SRMS: variants seen among roughly 807,000 people sequenced by gnomAD.
SRMS encodes the protein src-related kinase lacking C-terminal regulatory tyrosine and N-terminal myristylation sites, also known as tyrosine-protein kinase Srms.
Under a neutral mutation model 43.5 loss-of-function variants are expected in SRMS, and 42 were observed. That is an observed-to-expected ratio of 0.97 (90% CI 0.75 to 1.25). The LOEUF is 1.25. Among genes scored for constraint, SRMS ranks in the 50% most tolerant of loss-of-function variants. The pLI is 0.00. For synonymous variants in SRMS, 316 were observed against 308.2 expected, an observed-to-expected ratio of 1.03 and a Z score of -0.27; for missense variants, 703 against 681.0, an observed-to-expected ratio of 1.03 and a Z score of -0.36.
At chr20:63,542,065 G>C (rs537997045) in intron 5 of SRMS, 98 bp downstream of exon 5, 1 of 1,499,890 alleles carries the variant, frequency 6.7e-7, no homozygotes, top group African/African-American at 1.4e-5. Context: ...AGAGAGGCCC[G>C]GTTCACCTCG....
intron 2 of SRMS, 86 bp downstream of exon 2, chr20:63,544,141 C>G: frequency 7.5e-7 from 1 of 1,340,966 alleles, no homozygotes; most frequent in Non-Finnish European, 9.6e-7. Context: ...GAATCAGGAG[C>G]CAGCACTGCC....
chr20:63,542,208 C>T lies in SRMS; in HGVS notation c.901G>A (p.Val301Ile), dbSNP rs310657. 5.0e-6 allele frequency: 8 copies of T among 1,612,312 alleles called. No individual in the cohort carries two copies. Among genetic ancestry groups the T allele is most frequent in the South Asian group, 2.2e-5 (2 of 91,062 alleles). The change falls in exon 5 of 8, where the codon GTC (valine) becomes ATC (isoleucine). Residue 301 changes from valine to isoleucine, a missense_variant. Val to Ile is a conservative substitution (Grantham distance 29). Coordinates refer to ENST00000217188, the MANE Select transcript of SRMS (RefSeq NM_080823.4). Reference sequence around the variant, plus strand: ...TTCCCCTTGCGCATGAGTTCCGTGACGATGTACACAGGCTCCCCGCCCGAG... The same window carrying T: ...TTCCCCTTGCGCATGAGTTCCGTGATGATGTACACAGGCTCCCCGCCCGAG... The part of the protein sequence containing the change: ...VCSGGEPVYI[V>I]TELMRKGNLQ...
chr20:63,540,961 C>T lies in SRMS; in HGVS notation c.1324G>A (p.Gly442Arg), dbSNP rs1293121997. 2 of 1,608,550 alleles carry T rather than the reference C, an allele frequency of 1.2e-6. No individual in the cohort carries two copies. The highest frequency in any genetic ancestry group is 1.1e-5 in the South Asian group (1 of 91,032). ...NHETLQQIMRGYRLPRPAACP... is the reference protein window; with the variant it reads ...NHETLQQIMRRYRLPRPAACP... ...GCAGCCGGGCGCGGCAGCCGGTACC[C>T]TCGCATGATCTGCTGCAGCGTCTCG... Residue 442 changes from glycine (G) to arginine (R), a missense_variant, in exon 8 of 8, where the codon GGG (glycine) becomes AGG (arginine). Coordinates refer to ENST00000217188, the MANE Select transcript of SRMS (RefSeq NM_080823.4).
rs1018008347 is a variant in SRMS at position 63,539,370 on chromosome 20, C to G, written c.*1448G>C. Among the ~76,000 whole-genome samples, 1 of 152,256 alleles carries G rather than the reference C, an allele frequency of 6.6e-6. No individual in the cohort carries two copies. Among genetic ancestry groups the G allele is most frequent in the African/African-American group, 2.4e-5 (1 of 41,462 alleles). On this transcript the variant is annotated 3_prime_UTR_variant, in exon 8 of 8. Transcript: ENST00000217188. Reference sequence around the variant, plus strand: ...CTGTCTCTGCACACGGGAGTCTCATCTCTTAGCTCCCTCCTGAGCCAGGCT... The same window carrying G: ...CTGTCTCTGCACACGGGAGTCTCATGTCTTAGCTCCCTCCTGAGCCAGGCT...
chr20:63,547,488 CG>C lies in SRMS; in HGVS notation c.-26del. 1 of 1,453,356 alleles carries C rather than the reference CG, an allele frequency of 6.9e-7. No individual in the cohort carries two copies. Among genetic ancestry groups the C allele is most frequent in the Non-Finnish European group, 9.1e-7 (1 of 1,100,386 alleles). 90.0% of individuals were successfully genotyped at this position (1,453,356 alleles called of 1,614,324 possible). On this transcript the variant is annotated 5_prime_UTR_variant, in exon 1 of 8. It introduces an in-frame stop codon into an upstream open reading frame of the 5' UTR. Coordinates refer to ENST00000217188, the MANE Select transcript of SRMS (RefSeq NM_080823.4). ...TCCCCCGGGGTCACCACGCTGGGCC[CG>C]AGGGCCATGGGAGCCCGCGAGCCCG... is the stretch of plus-strand genomic sequence containing the variant.
chr20:63,543,417 A>G lies in SRMS; in HGVS notation c.542T>C (p.Leu181Pro). Reference protein sequence around the residue: ...VSMAADGSLYLQKGRLFPGLE... With the variant: ...VSMAADGSLYPQKGRLFPGLE... ...GCCGGGAAAGAGCCGTCCCTTCTGC[A>G]GGTAGAGGCTGCCATCAGCTGCCAT... Residue 181 changes from leucine (L) to proline (P), a missense_variant, in exon 3 of 8, where the codon CTG becomes CCG. Transcript: ENST00000217188. 1 of 1,612,846 alleles carries G rather than the reference A, an allele frequency of 6.2e-7. No homozygotes were observed. The highest frequency in any genetic ancestry group is 8.5e-7 in the Non-Finnish European group (1 of 1,179,958).
Position 63,541,202 on chromosome 20 carries a change from C to A in SRMS, c.1274G>T (p.Cys425Phe). Residue 425 changes from cysteine to phenylalanine, a missense_variant, in exon 7 of 8, where the codon TGT (cysteine) becomes TTT (phenylalanine). Transcript: ENST00000217188. ...LLHEVFTYGQ[C>F]PYEGMTNHET... ...GCCTGGGGACCCACCTTCATAGGGA[C>A]ACTGGCCATAGGTGAAAACCTCGTG... is the stretch of plus-strand genomic sequence containing the variant. The A allele has an allele frequency of 6.4e-7, 1 of 1,558,606 alleles. No homozygotes were observed. Among genetic ancestry groups the A allele is most frequent in the Non-Finnish European group, 8.6e-7 (1 of 1,157,586 alleles).
chr20:63,544,456 A>G (rs2145985462), intron 1 of SRMS, 108 bp from the exon 2 acceptor site: 2 of 1,327,392 alleles, frequency 1.5e-6, no homozygotes, highest in South Asian at 3.5e-5. Flanking sequence ...CCACCGCCTC[A>G]GGGAGAAGGT....
Position 63,547,638 on chromosome 20 carries a change from T to A in SRMS, c.-175A>T. The A allele has an allele frequency of 3.4e-6, 2 of 590,680 alleles. No homozygotes were observed. Among genetic ancestry groups the A allele is most frequent in the Non-Finnish European group, 5.5e-6 (2 of 361,310 alleles). 36.6% of individuals were successfully genotyped at this position (590,680 alleles called of 1,614,324 possible). ...CCCCTGGATCCAGGAGGCACACGGTTCCCACCGGCGTCCGGGCTGGCGTTG... is the reference window on the plus strand; with the variant it reads ...CCCCTGGATCCAGGAGGCACACGGTACCCACCGGCGTCCGGGCTGGCGTTG... On this transcript the variant is annotated 5_prime_UTR_variant, in exon 1 of 8. Transcript: ENST00000217188.
At chr20:63,544,427 A>G in intron 1 of SRMS, 79 bp from the exon 2 acceptor site, 1 of 1,386,624 alleles carries the variant, frequency 7.2e-7, no homozygotes, top group Non-Finnish European at 9.3e-7. Flanking sequence ...TGTTGCCGGC[A>G]GGGCTGAGCC....
intron 5 of SRMS, 128 bp downstream of exon 5, chr20:63,542,035 C>T (rs747202044): frequency 1.1e-4 from 149 of 1,351,578 alleles, no homozygotes; most frequent in Non-Finnish European, 1.4e-4. Context: ...GATCTGCAGC[C>T]GGGGCCACCT....
intron 2 of SRMS, chr20:63,543,792 GTGAA>G (rs36138474): frequency 0.12 from 47,262 of 380,056 alleles, 3,868 homozygotes; most frequent in Non-Finnish European, 0.15. Flanking sequence ...AGAAGGAAAA[GTGAA>G]TGAATGAATG....
chr20:63,547,217 C>G lies in SRMS; in HGVS notation c.247G>C (p.Glu83Gln). Residue 83 changes from glutamate to glutamine, a missense_variant, in exon 1 of 8, where the codon GAG becomes CAG. Physicochemically the swap from Glu to Gln is conservative, Grantham distance 29. Transcript: ENST00000217188. ...RRGDRLCALE[E>Q]GGGYIFARRL... The stretch of plus-strand genomic sequence containing the variant: ...CGTGCGAAGATGTAGCCGCCCCCCT[C>G]TTCGAGGGCACAGAGCCTGTCCCCG... 6.2e-7 allele frequency: 1 copy of G among 1,612,346 alleles called. No individual in the cohort carries two copies. The highest frequency in any genetic ancestry group is 2.2e-5 in the East Asian group (1 of 44,860).
chr20:63,541,240 G>A lies in SRMS; in HGVS notation c.1236C>T (p.Phe412=), dbSNP rs781564552. The A allele has an allele frequency of 5.5e-5, 86 of 1,567,870 alleles. No individual in the cohort carries two copies. The highest frequency in any genetic ancestry group is 3.8e-4 in the South Asian group (32 of 84,796). Reference sequence around the variant, plus strand: ...TGAAAACCTCGTGCAGCAGGACGCCGAAGGACCAGACGTCTGACTTCTGGG... The same window carrying A: ...TGAAAACCTCGTGCAGCAGGACGCCAAAGGACCAGACGTCTGACTTCTGGG... ...VFSQKSDVWS[F]GVLLHEVFTY... Residue 412 remains phenylalanine, a synonymous_variant, in exon 7 of 8, where the codon TTC becomes TTT. Coordinates refer to ENST00000217188, the MANE Select transcript of SRMS (RefSeq NM_080823.4).
chr20:63,547,191 G>A lies in SRMS; in HGVS notation c.273C>T (p.Arg91=), dbSNP rs770398476. ...CGGCGCTGGGCTGGCCCGAAAGCCT[G>A]CGTGCGAAGATGTAGCCGCCCCCCT... The part of the protein sequence containing the change: ...LEEGGGYIFA[R]RLSGQPSAGL... The change falls in exon 1 of 8, where the codon CGC becomes CGT. Residue 91 remains arginine, a synonymous_variant. Coordinates refer to ENST00000217188, the MANE Select transcript of SRMS (RefSeq NM_080823.4). 4 of 1,612,298 alleles carry A rather than the reference G, an allele frequency of 2.5e-6. No homozygotes were observed. The highest frequency in any genetic ancestry group is 3.4e-6 in the Non-Finnish European group (4 of 1,179,712).
intron 7 of SRMS, 27 bp downstream of exon 7, chr20:63,541,164 C>G: frequency 6.5e-7 from 1 of 1,547,686 alleles, no homozygotes; most frequent in Non-Finnish European, 8.7e-7. Context: ...GAGCCTGCAT[C>G]CTCCCTCTGG....
In SRMS at chr20:63,544,293, G is replaced by A. The variant is rs371325763; in HGVS notation, c.412C>T (p.Pro138Ser). 2.0e-6 allele frequency: 3 copies of A among 1,483,984 alleles called. No homozygotes were observed. In the African/African-American group the frequency reaches 4.4e-5, roughly 22 times the overall value. The allele number at this position is 1,483,984 out of a possible 1,614,324, so 91.9% of individuals were successfully genotyped here. Residue 138 changes from proline (P) to serine (S), a missense_variant, in exon 2 of 8, where the codon CCC becomes TCC. Transcript: ENST00000217188. ...ATGAGGAAGGCCCCTGGTTCGTTGG[G>A]TGGGGAGAGGAGCAGCTGCTGTGCC... ...TQAQQLLLSP[P>S]NEPGAFLIRP...
chr20:63,542,664 G>A, intron 3 of SRMS, 83 bp from the exon 4 acceptor site: 5 of 1,464,898 alleles, frequency 3.4e-6, no homozygotes, highest in Non-Finnish European at 3.6e-6. Flanking sequence ...CCAGGCCTCT[G>A]GCGGGCACCC....
Position 63,539,301 on chromosome 20 carries a change from C to T in SRMS, c.*1517G>A, listed in dbSNP as rs2082689707. ...CCCCAGGAAGCCCCCGCGCTGCCTC[C>T]GTTCTCGGAGCCTCCGAGTGGCCTC... is the stretch of plus-strand genomic sequence containing the variant. On this transcript the variant is annotated 3_prime_UTR_variant, in exon 8 of 8. Coordinates refer to ENST00000217188, the MANE Select transcript of SRMS (RefSeq NM_080823.4). Among the ~76,000 whole-genome samples the T allele has an allele frequency of 6.6e-6, 1 of 152,202 alleles. No homozygotes were observed. The highest frequency in any genetic ancestry group is 2.4e-5 in the African/African-American group (1 of 41,454).
Sources: allele counts gnomAD v4.1 joint callset (sites outside exome capture counted in the v4.1 genomes callset), GRCh38; gene constraint gnomAD v4.1.1; transcripts MANE v1.5; gene names NCBI Gene and HGNC (gene_info 2026-07-23, HGNC 2026-07-21).